AXDND1: variants seen among roughly 807,000 people sequenced by gnomAD.
AXDND1 encodes axonemal dynein light chain domain containing 1.
In AXDND1, 110 loss-of-function variants were observed where a neutral mutation model predicts 137.5. The observed-to-expected ratio is 0.80, with a 90% CI of 0.69 to 0.94. AXDND1 has a LOEUF of 0.94. AXDND1 is among the 40% of genes least tolerant of loss of function. The pLI, the probability that AXDND1 is intolerant of heterozygous loss-of-function variation, is 0.00. For missense variants in AXDND1, 1,191 were observed against 1,169.8 expected (o/e 1.02, Z -0.26); for synonymous variants, 414 against 399.7 (o/e 1.04, Z -0.43).
intron 16 of AXDND1, chr1:179,455,694 A>C (rs1661296976): frequency 6.5e-6 from 1 of 153,684 alleles, no homozygotes; most frequent in African/African-American, 2.4e-5. Context: ...TTGGGGGGGA[A>C]ATATACAATG....
chr1:179,399,559 A>G (rs1384014422), intron 11 of AXDND1, among the ~76,000 whole-genome samples: 1 of 152,224 alleles, frequency 6.6e-6, no homozygotes, highest in Non-Finnish European at 1.5e-5. Flanking sequence ...AAGCAATAAA[A>G]ACAAAGATAT....
rs1190708754 is a variant in AXDND1 at position 179,460,050 on chromosome 1, ATTATTC to A, written c.1799-8388_1799-8383del. ...TTTCATTTCTTTTATTTTCTTTATT[ATTATTC>A]TTATCCTTTAAGTTCTAGGGTACAT... On this transcript the variant is annotated intron_variant, in intron 16 of 25. Coordinates refer to ENST00000367618, the MANE Select transcript of AXDND1 (RefSeq NM_144696.6). Among the ~76,000 whole-genome samples, 3 of 88,484 alleles carry A rather than the reference ATTATTC, an allele frequency of 3.4e-5. No homozygotes were observed. The Admixed American group carries it at 3.9e-4, about 11-fold the overall frequency. The allele number at this position is 88,484 out of a possible 152,430, so 58.0% of individuals were successfully genotyped here. A position where few individuals can be genotyped will look rare whatever the true frequency, so the allele number is the denominator to read the frequency against.
rs201981913 is a variant in AXDND1, at chr1:179,442,736, G to A, written c.1564-2234G>A. 7.2e-5 allele frequency among the ~76,000 whole-genome samples: 11 copies of A among 152,212 alleles called. No individual in the cohort carries two copies. The East Asian group carries it at 1.9e-3, about 27-fold the overall frequency. ...CAGACTCATCCCGGGGTCACTGTTT[G>A]CCTTGTCAATTTTAGTTCCTCTGTT... On this transcript the variant is annotated intron_variant, in intron 15 of 25. Coordinates refer to ENST00000367618, the MANE Select transcript of AXDND1 (RefSeq NM_144696.6).
At chr1:179,452,690 G>GGT in intron 16 of AXDND1, 1 of 47,402 alleles carries the variant, frequency 2.1e-5, no homozygotes, top group Admixed American at 4.3e-4. Flanking sequence ...GCGAGACTCC[G>GGT]TCTCAAAAAA....
At chr1:179,514,717 T>C (rs1010370604) in intron 21 of AXDND1, among the ~76,000 whole-genome samples, 1 of 152,182 alleles carries the variant, frequency 6.6e-6, no homozygotes, top group African/African-American at 2.4e-5. Context: ...TTAGGTCTGT[T>C]AGTAATTGTT....
Position 179,394,042 on chromosome 1 carries a change from A to C in AXDND1, c.1003A>C (p.Arg335=). 6.3e-7 allele frequency: 1 copy of C among 1,595,768 alleles called. No homozygotes were observed. Among genetic ancestry groups the C allele is most frequent in the Non-Finnish European group, 8.5e-7 (1 of 1,173,512 alleles). ...CAAGCATGTTATTGAAGAACTGACCAGGTAAAAACTGTGATTATCTTAAAC... is the reference window on the plus strand; with the variant it reads ...CAAGCATGTTATTGAAGAACTGACCCGGTAAAAACTGTGATTATCTTAAAC... The part of the protein sequence containing the change: ...NFKHVIEELT[R]ELCLVRAHDV... Residue 335 remains arginine (R), a splice_region_variant and synonymous_variant, in exon 10 of 26, where the codon AGG becomes CGG. Transcript: ENST00000367618.
At chr1:179,479,375 T>C (rs1339354568) in intron 17 of AXDND1, among the ~76,000 whole-genome samples, 1 of 150,720 alleles carries the variant, frequency 6.6e-6, no homozygotes, top group East Asian at 2.0e-4. Flanking sequence ...CTTGGGAGGC[T>C]GAGGCAGGAG....
intron 18 of AXDND1, among the ~76,000 whole-genome samples, chr1:179,488,710 CTCTCTCTCTCTTTCTT>C (rs1490889699): frequency 2.6e-5 from 2 of 77,008 alleles, no homozygotes; most frequent in African/African-American, 5.0e-5. Context: ...CTCTCTCTGT[CTCTCTCTCTCTTTCTT>C]TCTCTCTCTC....
intron 11 of AXDND1, among the ~76,000 whole-genome samples, chr1:179,403,629 A>G (rs1223830272): frequency 6.6e-6 from 1 of 152,218 alleles, no homozygotes; most frequent in East Asian, 1.9e-4. Context: ...GCTGGAGTGC[A>G]GTGGTGCAAT....
chr1:179,546,310 TAAA>T lies in AXDND1; in HGVS notation c.3032-8187_3032-8185del, dbSNP rs11299436. On this transcript the variant is annotated intron_variant, in intron 25 of 25. Transcript: ENST00000367618. ...GAAGACATAATGAGTGTTAGGTGGT[TAAA>T]AAAAAAAAAAAAAAGTATGCCCCAG... 423 of 143,578 alleles carry T rather than the reference TAAA, an allele frequency of 2.9e-3. 3 individuals carry two copies. The highest frequency in any genetic ancestry group is 7.8e-3 in the African/African-American group (303 of 38,730). The allele number at this position is 143,578 out of a possible 1,614,324, so 8.9% of individuals were successfully genotyped here. A position where few individuals can be genotyped will look rare whatever the true frequency, so the allele number is the denominator to read the frequency against.
intron 12 of AXDND1, among the ~76,000 whole-genome samples, chr1:179,427,936 T>C (rs1256027378): frequency 1.4e-5 from 2 of 138,326 alleles, no homozygotes; most frequent in Non-Finnish European, 3.1e-5. Context: ...GGAGACCCAA[T>C]GTAAGAGCAA....
intron 20 of AXDND1, among the ~76,000 whole-genome samples, chr1:179,499,934 A>G (rs1245903448): frequency 6.6e-6 from 1 of 152,132 alleles, no homozygotes; most frequent in Non-Finnish European, 1.5e-5. Flanking sequence ...TTCGTCAAAA[A>G]TCTTCCCCCA....
Position 179,383,475 on chromosome 1 carries a change from G to A in AXDND1, c.672G>A (p.Leu224=). ...ATAAAAGAGTAGAAGTGGCCCAGCT[G>A]AATGATGTGATGGATACTATGCTAG... is the stretch of plus-strand genomic sequence containing the variant. The part of the protein sequence containing the change: ...KPNKRVEVAQ[L]NDVMDTMLER... The change falls in exon 8 of 26, where the codon CTG becomes CTA. Residue 224 remains leucine, a synonymous_variant. Transcript: ENST00000367618. The A allele has an allele frequency of 6.2e-7, 1 of 1,614,010 alleles. No homozygotes were observed. The highest frequency in any genetic ancestry group is 1.3e-5 in the African/African-American group (1 of 75,038).
At chr1:179,471,394 A>C (rs1258215241) in intron 17 of AXDND1, among the ~76,000 whole-genome samples, 3 of 152,168 alleles carry the variant, frequency 2.0e-5, no homozygotes, top group Non-Finnish European at 2.9e-5. Context: ...ACTTGTTAAA[A>C]GTCTATTTAT....
intron 12 of AXDND1, among the ~76,000 whole-genome samples, chr1:179,422,282 T>G (rs1444276965): frequency 7.0e-6 from 1 of 143,046 alleles, no homozygotes; most frequent in African/African-American, 2.6e-5. Context: ...TATAAACTTA[T>G]CTGTTCATAC....
chr1:179,405,917 G>T (rs779860744), intron 11 of AXDND1, among the ~76,000 whole-genome samples: 2 of 151,510 alleles, frequency 1.3e-5, no homozygotes, highest in Non-Finnish European at 2.9e-5. Context: ...TTTGGGTTTT[G>T]TTTTTTCTCT....
chr1:179,500,337 ATGTGTGTGTGTGTG>A (rs57654195), intron 20 of AXDND1, among the ~76,000 whole-genome samples: 20 of 133,886 alleles, frequency 1.5e-4, no homozygotes, highest in South Asian at 2.7e-4. Flanking sequence ...AGGGTACATT[ATGTGTGTGTGTGTG>A]TGTGTGTGTG....
rs769787722 is a variant in AXDND1, at chr1:179,483,198, G to A, written c.2068G>A (p.Gly690Ser). 26 of 1,609,296 alleles carry A rather than the reference G, an allele frequency of 1.6e-5. No individual in the cohort carries two copies. In the South Asian group the frequency reaches 1.8e-4, roughly 11 times the overall value. The change falls in exon 18 of 26, where the codon GGT (glycine) becomes AGT (serine). Residue 690 changes from glycine to serine, a missense_variant. Physicochemically the swap from Gly to Ser is moderately conservative, Grantham distance 56 (BLOSUM62 0). Coordinates refer to ENST00000367618, the MANE Select transcript of AXDND1 (RefSeq NM_144696.6). ...LLKIGNEINN[G>S]NIELQHHMDE... is the part of the protein sequence containing the mutation. ...GAAGATAGGCAATGAAATTAACAAC[G>A]GTAACATTGAACTTCAGCACCACGT...
At chr1:179,469,985 T>G (rs1160999752) in intron 17 of AXDND1, among the ~76,000 whole-genome samples, 2 of 152,180 alleles carry the variant, frequency 1.3e-5, no homozygotes, top group Non-Finnish European at 2.9e-5. Context: ...CTGATCCATT[T>G]TAGTTAATTT....
Sources: allele counts gnomAD v4.1 joint callset (sites outside exome capture counted in the v4.1 genomes callset), GRCh38; gene constraint gnomAD v4.1.1; transcripts MANE v1.5; gene names NCBI Gene and HGNC (gene_info 2026-07-23, HGNC 2026-07-21).